LAD1: variants seen among roughly 807,000 people sequenced by gnomAD.
LAD1 encodes ladinin-1.
LAD1 carries 53 observed loss-of-function variants against 54.2 expected under a neutral mutation model. That is an observed-to-expected ratio of 0.98 (90% CI 0.78 to 1.23). The LOEUF (loss-of-function observed/expected upper bound fraction) is 1.23. Ranked by LOEUF, LAD1 falls within the 50% of genes most tolerant of loss-of-function variation. The pLI is 0.00. For missense variants in LAD1, 637 were observed against 653.3 expected, an observed-to-expected ratio of 0.98 and a Z score of 0.27; for synonymous variants, 231 against 257.7, an observed-to-expected ratio of 0.90 and a Z score of 0.99.
At chr1:201,387,843 C>T (rs75673590) in intron 2 of LAD1, among the ~76,000 whole-genome samples, 2 of 152,214 alleles carry the variant, frequency 1.3e-5, no homozygotes, top group Non-Finnish European at 2.9e-5. Context: ...CCCACAGCAC[C>T]TGGCCTCCAG....
chr1:201,388,737 C>T lies in LAD1; in HGVS notation c.182+423G>A, dbSNP rs1171005273. Among the ~76,000 whole-genome samples, 4 of 151,790 alleles carry T rather than the reference C, an allele frequency of 2.6e-5. No homozygotes were observed. In the East Asian group the frequency reaches 7.8e-4, roughly 29 times the overall value. On this transcript the variant is annotated intron_variant, in intron 2 of 9. Coordinates refer to ENST00000391967, the MANE Select transcript of LAD1 (RefSeq NM_005558.4). ...GAGGGTCAGGGTTAGAAGAAGGCAGCCTGGATAATGGAAGGAGGCGGGAGC... is the reference window on the plus strand; with the variant it reads ...GAGGGTCAGGGTTAGAAGAAGGCAGTCTGGATAATGGAAGGAGGCGGGAGC...
At chr1:201,397,548 C>T (rs2102362061) in intron 1 of LAD1, among the ~76,000 whole-genome samples, 1 of 152,278 alleles carries the variant, frequency 6.6e-6, no homozygotes, top group East Asian at 1.9e-4. Flanking sequence ...CAGCTGCCTC[C>T]CCACACACAC....
At chr1:201,385,574 G>A in intron 4 of LAD1, 127 bp downstream of exon 4, 3 of 755,720 alleles carry the variant, frequency 4.0e-6, no homozygotes, top group Non-Finnish European at 7.2e-6. Context: ...CCACCCATGG[G>A]AATCCAAAGC....
intron 1 of LAD1, among the ~76,000 whole-genome samples, chr1:201,394,408 T>C (rs1042744632): frequency 6.6e-6 from 1 of 152,216 alleles, no homozygotes; most frequent in African/African-American, 2.4e-5. Context: ...CAGCTCTTCC[T>C]GGTGAGAACC....
In LAD1 at chr1:201,385,763, G is replaced by T; in HGVS notation, c.1069C>A (p.Pro357Thr). The change falls in exon 4 of 10, where the codon CCC becomes ACC. Residue 357 changes from proline (P) to threonine (T), a missense_variant. Pro to Thr is a conservative substitution (Grantham distance 38). Transcript: ENST00000391967. ...GAGCTGCTGTAGGTTCGCTGTGTGG[G>T]TGAGGACATATCTGCCTCTTCCTCC... ...SKEEEADMSS[P>T]TQRTYSSSLK... 1 of 1,614,176 alleles carries T rather than the reference G, an allele frequency of 6.2e-7. No individual in the cohort carries two copies. Among genetic ancestry groups the T allele is most frequent in the Non-Finnish European group, 8.5e-7 (1 of 1,180,002 alleles).
rs371348035 is a variant in LAD1, at chr1:201,384,829, G to T, written c.1138C>A (p.Pro380Thr). 57 of 1,613,886 alleles carry T rather than the reference G, an allele frequency of 3.5e-5. No homozygotes were observed. The highest frequency in any genetic ancestry group is 4.7e-5 in the Non-Finnish European group (56 of 1,180,028). The change falls in exon 5 of 10, where the codon CCC becomes ACC. Residue 380 changes from proline to threonine, a missense_variant. Pro to Thr is a conservative substitution (Grantham distance 38). Coordinates refer to ENST00000391967, the MANE Select transcript of LAD1 (RefSeq NM_005558.4). ...GTTGTTTCCGAGTTTTCTTTCTTGG[G>T]TTTCATCTGAAATGAGAAGGAAAGG... ...SPRTISFRMK[P>T]KKENSETTLT...
intron 1 of LAD1, 135 bp from the exon 2 acceptor site, chr1:201,389,438 G>A: frequency 9.9e-7 from 1 of 1,013,060 alleles, no homozygotes; most frequent in South Asian, 1.7e-5. Flanking sequence ...AGAAGTGCTT[G>A]AAACGTGGCT....
At chr1:201,393,371 C>A (rs1444339225) in intron 1 of LAD1, among the ~76,000 whole-genome samples, 1 of 152,172 alleles carries the variant, frequency 6.6e-6, no homozygotes, top group Non-Finnish European at 1.5e-5. Context: ...TGTACCAGAG[C>A]CTGAGCAGGC....
chr1:201,386,362 G>C lies in LAD1; in HGVS notation c.999C>G (p.Ala333=), dbSNP rs753195162. The change falls in exon 3 of 10, where the codon GCC becomes GCG. Residue 333 remains alanine, a synonymous_variant. Coordinates refer to ENST00000391967, the MANE Select transcript of LAD1 (RefSeq NM_005558.4). The part of the protein sequence containing the change: ...KQGASDPPTV[A]SRLPPVTLQV... Reference sequence around the variant, plus strand: ...GGAGTGTGACGGGTGGGAGGCGGGAGGCCACAGTCGGAGGGTCTGAAGCCC... The same window carrying C: ...GGAGTGTGACGGGTGGGAGGCGGGACGCCACAGTCGGAGGGTCTGAAGCCC... 6.7e-7 allele frequency: 1 copy of C among 1,491,268 alleles called. No homozygotes were observed. Among genetic ancestry groups the C allele is most frequent in the Admixed American group, 2.5e-5 (1 of 40,184 alleles). 92.4% of individuals were successfully genotyped at this position (1,491,268 alleles called of 1,614,324 possible).
At position 201,381,059 on chromosome 1, in the gene LAD1, C is replaced by G. The variant is rs983219205; in HGVS notation, c.*829G>C. 5.9e-5 allele frequency: 9 copies of G among 152,042 alleles called. No homozygotes were observed. Among genetic ancestry groups the G allele is most frequent in the African/African-American group, 2.2e-4 (9 of 41,324 alleles). The allele number at this position is 152,042 out of a possible 1,614,324, so 9.4% of individuals were successfully genotyped here. Reference sequence around the variant, plus strand: ...CCCTGTATGTGGCAGTTCCCAGTCACCAAGCTAGGACTGCTGAGTGGCAAG... The same window carrying G: ...CCCTGTATGTGGCAGTTCCCAGTCAGCAAGCTAGGACTGCTGAGTGGCAAG... On this transcript the variant is annotated 3_prime_UTR_variant, in exon 10 of 10. Transcript: ENST00000391967.
intron 1 of LAD1, among the ~76,000 whole-genome samples, chr1:201,392,534 C>A (rs751254234): frequency 1.3e-5 from 2 of 152,210 alleles, no homozygotes; most frequent in Non-Finnish European, 2.9e-5. Context: ...ATCCGTCAGC[C>A]AGTGTTCCAG....
intron 1 of LAD1, among the ~76,000 whole-genome samples, chr1:201,392,216 G>T (rs762087040): frequency 9.9e-5 from 15 of 152,192 alleles, no homozygotes; most frequent in Non-Finnish European, 2.1e-4. Flanking sequence ...TTTTTTCTAG[G>T]TCCAGCATCC....
At position 201,381,520 on chromosome 1, in the gene LAD1, CTG is replaced by C. The variant is rs1490057932; in HGVS notation, c.*366_*367del. ...CTGGGAGCCGATGAGACAGGTGACT[CTG>C]GAGTTCTTGAGGGGCGCCGTGCCCT... On this transcript the variant is annotated 3_prime_UTR_variant, in exon 10 of 10. Transcript: ENST00000391967. 4 of 334,056 alleles carry C rather than the reference CTG, an allele frequency of 1.2e-5. No individual in the cohort carries two copies. In the East Asian group the frequency reaches 2.5e-4, roughly 21 times the overall value. The allele number at this position is 334,056 out of a possible 1,614,324, so 20.7% of individuals were successfully genotyped here.
intron 7 of LAD1, 145 bp from the exon 8 acceptor site, chr1:201,382,884 T>C: frequency 1.0e-6 from 1 of 972,444 alleles, no homozygotes; most frequent in Non-Finnish European, 1.6e-6. Flanking sequence ...CCCCCTCCCC[T>C]TCCCCCAGGG....
At position 201,389,258 on chromosome 1, in the gene LAD1, G is replaced by C; in HGVS notation, c.84C>G (p.Arg28=). ...GGTTGCGGTGCCGCCGCCTGCGCTC[G>C]CGCTCCTGTTCCTCCTCATCCTCCA... ...RTLEDEEEQE[R]ERRRRHRNLS... The change falls in exon 2 of 10, where the codon CGC becomes CGG. Residue 28 remains arginine (R), a synonymous_variant. Coordinates refer to ENST00000391967, the MANE Select transcript of LAD1 (RefSeq NM_005558.4). The C allele has an allele frequency of 1.2e-6, 2 of 1,614,004 alleles. No individual in the cohort carries two copies. The highest frequency in any genetic ancestry group is 8.5e-7 in the Non-Finnish European group (1 of 1,180,004).
At position 201,398,734 on chromosome 1, in the gene LAD1, C is replaced by T. The variant is rs546456334; in HGVS notation, c.38+535G>A. On this transcript the variant is annotated intron_variant, in intron 1 of 9. Transcript: ENST00000391967. ...TTAAGGTTCCCAGCCCAGATGCCACCCCAAAATGCCATGCTGAGATTCTGA... is the reference window on the plus strand; with the variant it reads ...TTAAGGTTCCCAGCCCAGATGCCACTCCAAAATGCCATGCTGAGATTCTGA... Among the ~76,000 whole-genome samples the T allele has an allele frequency of 2.6e-5, 4 of 152,282 alleles. No homozygotes were observed. The East Asian group carries it at 7.7e-4, about 29-fold the overall frequency.
chr1:201,396,215 C>T (rs925345769), intron 1 of LAD1, among the ~76,000 whole-genome samples: 1 of 152,118 alleles, frequency 6.6e-6, no homozygotes, highest in African/African-American at 2.4e-5. Flanking sequence ...CACTCCTTCC[C>T]TCTAGACAAC....
At position 201,385,743 on chromosome 1, in the gene LAD1, G is replaced by A; in HGVS notation, c.1089C>T (p.Ser363=). ...TGGGGCTGGAGCGTTTGAGGGAGCT[G>A]CTGTAGGTTCGCTGTGTGGGTGAGG... ...DMSSPTQRTY[S]SSLKRSSPRT... Residue 363 remains serine (S), a synonymous_variant, in exon 4 of 10, where the codon AGC becomes AGT. Transcript: ENST00000391967. The A allele has an allele frequency of 6.2e-7, 1 of 1,614,184 alleles. No individual in the cohort carries two copies. The highest frequency in any genetic ancestry group is 8.5e-7 in the Non-Finnish European group (1 of 1,179,990).
intron 1 of LAD1, among the ~76,000 whole-genome samples, chr1:201,393,408 A>T (rs1662230579): frequency 6.6e-6 from 1 of 152,204 alleles, no homozygotes; most frequent in Non-Finnish European, 1.5e-5. Context: ...AAACCAAAAA[A>T]GGAATTAGTG....
Sources: allele counts gnomAD v4.1 joint callset (sites outside exome capture counted in the v4.1 genomes callset), GRCh38; gene constraint gnomAD v4.1.1; transcripts MANE v1.5; gene names NCBI Gene and HGNC (gene_info 2026-07-23, HGNC 2026-07-21).